The following UNC50 variants were observed in gnomAD, a reference collection of about 807,000 sequenced individuals.
UNC50 encodes the protein protein unc-50 homolog.
A neutral mutation model predicts 31.5 loss-of-function variants in UNC50; 24 were observed. The ratio of observed to expected loss-of-function variants is 0.76; its 90% CI spans 0.55 to 1.07. The LOEUF is 1.07. UNC50 is among the 50% of genes least tolerant of loss of function. The probability of loss-of-function intolerance (pLI) is 0.00; values close to 1 mark genes in which losing one functional copy is unlikely to be tolerated. For synonymous variants in UNC50, 118 were observed against 114.7 expected (o/e 1.03, Z -0.18); for missense variants, 245 against 304.2 (o/e 0.81, Z 1.45).
intron 3 of UNC50, among the ~76,000 whole-genome samples, chr2:98,614,582 G>A (rs988135877): frequency 6.6e-6 from 1 of 152,116 alleles, no homozygotes; most frequent in South Asian, 2.1e-4. Context: ...ACAGTGCCTT[G>A]GAGTGCTCTC....
At chr2:98,615,553 A>T (rs1700906251) in intron 3 of UNC50, among the ~76,000 whole-genome samples, 2 of 152,108 alleles carry the variant, frequency 1.3e-5, no homozygotes, top group Non-Finnish European at 2.9e-5. Flanking sequence ...CTACCTTCAG[A>T]GTATCGTGTG....
Position 98,610,030 on chromosome 2 carries a change from T to C in UNC50, c.271T>C (p.Trp91Arg). 1.9e-6 allele frequency: 3 copies of C among 1,612,276 alleles called. No homozygotes were observed. The highest frequency in any genetic ancestry group is 2.5e-6 in the Non-Finnish European group (3 of 1,178,508). ...DPAFLVLLSI[W>R]LCVSTIGFGF... The stretch of plus-strand genomic sequence containing the variant: ...TGCTTTCTTGGTCCTGTTAAGTATC[T>C]GGCTCTGTGGTAAGTGTGTTTATCT... The change falls in exon 2 of 6, where the codon TGG becomes CGG. Residue 91 changes from tryptophan (W) to arginine (R), a missense_variant. Transcript: ENST00000357765.
intron 5 of UNC50, among the ~76,000 whole-genome samples, chr2:98,617,325 C>CT (rs1700942428): frequency 6.6e-6 from 1 of 152,178 alleles, no homozygotes; most frequent in Admixed American, 6.5e-5. Flanking sequence ...CCCCGGTTCT[C>CT]TCCCCCCTTG....
In UNC50 at chr2:98,608,618, C is replaced by T; in HGVS notation, c.-113C>T. ...CCCGTGACGCGGCGCGCCCCAAGGG[C>T]CGGCTCCGTTGAGGGAAGGGAAGCC... On this transcript the variant is annotated 5_prime_UTR_variant, in exon 1 of 6. Transcript: ENST00000357765. 1.7e-6 allele frequency: 1 copy of T among 595,180 alleles called. No individual in the cohort carries two copies. 36.9% of individuals were successfully genotyped at this position (595,180 alleles called of 1,614,324 possible).
chr2:98,618,118 C>CATTT (rs1553534033), intron 5 of UNC50, 50 bp from the exon 6 acceptor site: 2,067 of 1,289,048 alleles, frequency 1.6e-3, no homozygotes, highest in Non-Finnish European at 2.0e-3. Context: ...ATTTATTAGT[C>CATTT]ATTTATTTTT....
intron 3 of UNC50, among the ~76,000 whole-genome samples, chr2:98,612,289 A>C (rs1370495318): frequency 6.6e-6 from 1 of 152,108 alleles, no homozygotes; most frequent in Non-Finnish European, 1.5e-5. Flanking sequence ...TTAATTACCT[A>C]TTCTGTCCAA....
intron 4 of UNC50, 21 bp from the exon 5 acceptor site, chr2:98,616,411 G>C: frequency 3.1e-6 from 5 of 1,613,494 alleles, no homozygotes; most frequent in Non-Finnish European, 4.2e-6. Context: ...AGGGACTCAT[G>C]GTCTGCGTCT....
In UNC50 at chr2:98,618,194, A is replaced by G; in HGVS notation, c.670A>G (p.Ile224Val). 1 of 1,597,304 alleles carries G rather than the reference A, an allele frequency of 6.3e-7. No homozygotes were observed. Among genetic ancestry groups the G allele is most frequent in the Non-Finnish European group, 8.5e-7 (1 of 1,172,632 alleles). The change falls in exon 6 of 6, where the codon ATT becomes GTT. Residue 224 changes from isoleucine (I) to valine (V), a missense_variant. Ile to Val is a conservative substitution (Grantham distance 29). Transcript: ENST00000357765. ...SALPFLKNTVILLYPFAPLIL... is the reference protein window; with the variant it reads ...SALPFLKNTVVLLYPFAPLIL... ...ATTGCCATTTTTGAAAAATACAGTA[A>G]TTCTTCTGTATCCATTTGCACCTCT...
At position 98,608,616 on chromosome 2, in the gene UNC50, G is replaced by T. The variant is rs988736446; in HGVS notation, c.-115G>T. The T allele has an allele frequency of 6.7e-6, 4 of 596,012 alleles. No individual in the cohort carries two copies. Among genetic ancestry groups the T allele is most frequent in the Admixed American group, 2.9e-5 (1 of 34,040 alleles). The allele number at this position is 596,012 out of a possible 1,614,324, so 36.9% of individuals were successfully genotyped here. A position where few individuals can be genotyped will look rare whatever the true frequency, so the allele number is the denominator to read the frequency against. On this transcript the variant is annotated 5_prime_UTR_variant, in exon 1 of 6. Transcript: ENST00000357765. ...TTCCCGTGACGCGGCGCGCCCCAAG[G>T]GCCGGCTCCGTTGAGGGAAGGGAAG...
intron 3 of UNC50, among the ~76,000 whole-genome samples, chr2:98,615,635 G>C (rs1700907438): frequency 6.6e-6 from 1 of 152,104 alleles, no homozygotes; most frequent in Non-Finnish European, 1.5e-5. Flanking sequence ...CTTCTAACTG[G>C]TCTCTGCTGC....
chr2:98,618,236 C>G lies in UNC50; in HGVS notation c.712C>G (p.Leu238Val). ...PFAPLILLYG[L>V]SLALGWNFTH... ...TGCACCTCTGATTCTGCTCTACGGG[C>G]TTTCCCTGGCACTGGGATGGAACTT... Residue 238 changes from leucine to valine, a missense_variant, in exon 6 of 6, where the codon CTT becomes GTT. Transcript: ENST00000357765. The G allele has an allele frequency of 6.2e-7, 1 of 1,612,098 alleles. No homozygotes were observed. The highest frequency in any genetic ancestry group is 8.5e-7 in the Non-Finnish European group (1 of 1,179,282).
At chr2:98,611,983 C>G (rs1007577848) in intron 3 of UNC50, among the ~76,000 whole-genome samples, 5 of 142,330 alleles carry the variant, frequency 3.5e-5, no homozygotes, top group Admixed American at 6.8e-5. Context: ...CCCCGCCCCC[C>G]CACCGCCACA....
chr2:98,610,588 C>T (rs1040604222), intron 2 of UNC50, among the ~76,000 whole-genome samples, 187 bp from the exon 3 acceptor site: 1 of 152,200 alleles, frequency 6.6e-6, no homozygotes, highest in Non-Finnish European at 1.5e-5. Context: ...GGCAAGGGCC[C>T]ACCTCAGGAA....
intron 5 of UNC50, 59 bp from the exon 6 acceptor site, chr2:98,618,109 T>TTTA (rs919000205): frequency 7.0e-7 from 1 of 1,436,390 alleles, no homozygotes; most frequent in African/African-American, 1.5e-5. Flanking sequence ...AAAATGTTCA[T>TTTA]TTATTAGTCA....
intron 1 of UNC50, 28 bp downstream of exon 1, chr2:98,608,754 C>G (rs1700757380): frequency 3.0e-6 from 1 of 332,542 alleles, no homozygotes; most frequent in African/African-American, 2.3e-5. Context: ...CTCTGCCCTC[C>G]CGCGGCCCGG....
intron 3 of UNC50, among the ~76,000 whole-genome samples, chr2:98,614,898 G>A (rs1700895712): frequency 6.6e-6 from 1 of 152,044 alleles, no homozygotes; most frequent in Admixed American, 6.5e-5. Context: ...CCCCAGTGAC[G>A]GAATAGCGTA....
chr2:98,612,066 A>T (rs1700842567), intron 3 of UNC50, among the ~76,000 whole-genome samples: 1 of 143,790 alleles, frequency 7.0e-6, no homozygotes, highest in Non-Finnish European at 1.5e-5. Context: ...TGTACTGAGG[A>T]TAAATCTGGT....
chr2:98,611,088 TA>T (rs1472987018), intron 3 of UNC50, among the ~76,000 whole-genome samples, 193 bp downstream of exon 3: 1 of 152,248 alleles, frequency 6.6e-6, no homozygotes, highest in Non-Finnish European at 1.5e-5. Flanking sequence ...AAGGCTGGTT[TA>T]TAATATTGTC....
At chr2:98,617,763 A>AAAG (rs1418235679) in intron 5 of UNC50, among the ~76,000 whole-genome samples, 1 of 152,178 alleles carries the variant, frequency 6.6e-6, no homozygotes, top group Non-Finnish European at 1.5e-5. Flanking sequence ...CAAATAGCTA[A>AAAG]AAGATGTTTT....
Sources: gnomAD v4.1 joint callset for allele counts (sites outside exome capture counted in the v4.1 genomes callset) on GRCh38, gnomAD v4.1.1 for gene constraint, MANE v1.5 for transcripts, NCBI Gene and HGNC (gene_info 2026-07-23, HGNC 2026-07-21) for gene names.